Variants in PGAP6 observed in about 807,000 individuals in gnomAD.
The protein encoded by PGAP6 is post-GPI attachment to proteins 6.
A neutral mutation model predicts 68.4 loss-of-function variants in PGAP6; 62 were observed. The observed-to-expected ratio is 0.91, with a 90% CI of 0.74 to 1.12. The LOEUF is 1.12. Among genes scored for constraint, PGAP6 ranks in the 50% most tolerant of loss-of-function variants. The probability of loss-of-function intolerance (pLI) is 0.00; values close to 1 mark genes in which losing one functional copy is unlikely to be tolerated. For missense variants in PGAP6, 1,188 were observed against 1,068.5 expected (o/e 1.11, Z -1.56); for synonymous variants, 575 against 474.0 (o/e 1.21, Z -2.77).
rs765882245 is a variant in PGAP6 at position 374,141 on chromosome 16, G to A, written c.1766C>T (p.Ala589Val). The change falls in exon 11 of 13, where the codon GCC becomes GTC. Residue 589 changes from alanine (A) to valine (V), a missense_variant. Physicochemically the swap from Ala to Val is moderately conservative, Grantham distance 64. Transcript: ENST00000431232. Reference protein sequence around the residue: ...YTMFFSTFYHACDQPGEAVLC... With the variant: ...YTMFFSTFYHVCDQPGEAVLC... ...CACCGCCTCCCCGGGCTGGTCGCAG[G>A]CGTGGTAGAACTGTGGGGAGGCTCC... 1.2e-6 allele frequency: 2 copies of A among 1,610,942 alleles called. No homozygotes were observed. The highest frequency in any genetic ancestry group is 1.7e-5 in the Admixed American group (1 of 60,012).
rs2054399449 is a variant in PGAP6 at position 377,742 on chromosome 16, A to G, written c.228T>C (p.Ala76=). ...RLFRFRVPPD[A]VLLRWLLQVS... is the part of the protein sequence containing the mutation. ...CCTGCAGGAGCCAGCGTAGAAGCAC[A>G]GCATCTGGGGGCACGCGGAAGCGGA... Residue 76 remains alanine (A), a synonymous_variant, in exon 2 of 13, where the codon GCT becomes GCC. Coordinates refer to ENST00000431232, the MANE Select transcript of PGAP6 (RefSeq NM_021259.3). The G allele has an allele frequency of 4.4e-6, 7 of 1,597,324 alleles. No homozygotes were observed. In the African/African-American group the frequency reaches 5.4e-5, roughly 12 times the overall value.
chr16:376,423 G>A lies in PGAP6; in HGVS notation c.937C>T (p.Leu313Phe), dbSNP rs1471965796. The A allele has an allele frequency of 6.3e-7, 1 of 1,587,146 alleles. No homozygotes were observed. The highest frequency in any genetic ancestry group is 2.2e-5 in the East Asian group (1 of 44,530). Residue 313 changes from leucine to phenylalanine, a missense_variant, in exon 6 of 13, where the codon CTT (leucine) becomes TTT (phenylalanine). By Grantham distance (22) the Leu-to-Phe change is conservative. Coordinates refer to ENST00000431232, the MANE Select transcript of PGAP6 (RefSeq NM_021259.3). ...CTCTGGTTTTGGCTGCTCTGCAGAA[G>A]GGGCTGGATGGTCACGCTCCGTGGC... Reference protein sequence around the residue: ...CRPRSVTIQPLLQSSQNQSFN... With the variant: ...CRPRSVTIQPFLQSSQNQSFN...
At chr16:385,685 C>T (rs1230616325), upstream of PGAP6, among the ~76,000 whole-genome samples, 220 of 114,076 alleles carry the variant, frequency 1.9e-3, no homozygotes, top group Non-Finnish European at 3.0e-3. Flanking sequence ...AGTGCAGTGG[C>T]GCGATCCTGG....
At chr16:378,860 C>A (rs2054415376) in intron 1 of PGAP6, among the ~76,000 whole-genome samples, 1 of 152,240 alleles carries the variant, frequency 6.6e-6, no homozygotes, top group Non-Finnish European at 1.5e-5. Context: ...GCGGGCAAGG[C>A]TCCTAACTGT....
chr16:379,638 C>T (rs1167406966), intron 1 of PGAP6, among the ~76,000 whole-genome samples: 2 of 152,236 alleles, frequency 1.3e-5, no homozygotes, highest in Non-Finnish European at 2.9e-5. Flanking sequence ...AAGCCCTCAG[C>T]CCCTCTGGCC....
At position 381,896 on chromosome 16, in the gene PGAP6, T is replaced by TGCCGCCTCC; in HGVS notation, c.-84_-76dup. On this transcript the variant is annotated 5_prime_UTR_variant, in exon 1 of 13. Coordinates refer to ENST00000431232, the MANE Select transcript of PGAP6 (RefSeq NM_021259.3). ...CCCCCGCCGCCGCCCGGGCAGCCTCTGCCGCCTCCGCCTCTGCCGCCTCCG... is the reference window on the plus strand; with the variant it reads ...CCCCCGCCGCCGCCCGGGCAGCCTCTGCCGCCTCCGCCGCCTCCGCCTCTGCCGCCTCCG... 5.4e-6 allele frequency: 1 copy of TGCCGCCTCC among 184,638 alleles called. No individual in the cohort carries two copies. Among genetic ancestry groups the TGCCGCCTCC allele is most frequent in the Non-Finnish European group, 6.4e-6 (1 of 155,560 alleles). The allele number at this position is 184,638 out of a possible 1,614,324, so 11.4% of individuals were successfully genotyped here.
Position 372,419 on chromosome 16 carries a change from C to T in PGAP6, c.2020-136G>A, listed in dbSNP as rs1053508355. 8.4e-6 allele frequency: 9 copies of T among 1,068,968 alleles called. No homozygotes were observed. The African/African-American group carries it at 1.4e-4, about 17-fold the overall frequency. 66.2% of individuals were successfully genotyped at this position (1,068,968 alleles called of 1,614,324 possible). A position where few individuals can be genotyped will look rare whatever the true frequency, so the allele number is the denominator to read the frequency against. The stretch of plus-strand genomic sequence containing the variant: ...ACAAGGGTGGGCTGCTTCGAGGGGG[C>T]TCAAGGCCACTGGTCCTCAGGCCCA... On this transcript the variant is annotated intron_variant, in intron 12 of 12. Coordinates refer to ENST00000431232, the MANE Select transcript of PGAP6 (RefSeq NM_021259.3).
At chr16:380,326 G>A (rs1331953296) in intron 1 of PGAP6, among the ~76,000 whole-genome samples, 4 of 151,992 alleles carry the variant, frequency 2.6e-5, no homozygotes, top group Non-Finnish European at 5.9e-5. Flanking sequence ...TGGAACCGCA[G>A]GCTTACATTA....
upstream of PGAP6, chr16:383,386 A>G (rs927706342): frequency 2.0e-5 from 3 of 152,212 alleles, no homozygotes; most frequent in African/African-American, 7.2e-5. Context: ...AACAGCAGCA[A>G]TGACCTTCCC....
At chr16:381,195 C>T (rs1018588984) in intron 1 of PGAP6, among the ~76,000 whole-genome samples, 19 of 152,088 alleles carry the variant, frequency 1.2e-4, no homozygotes, top group Admixed American at 1.0e-3. Flanking sequence ...GAAGCCGGGC[C>T]GGCGGCAGGA....
At position 374,871 on chromosome 16, in the gene PGAP6, G is replaced by A. The variant is rs773148960; in HGVS notation, c.1461C>T (p.Val487=). ...CCAGGTACAAGGTGGTCTCCACGTGGACCACAGCCTGCTCACAGTCCCTTT... is the reference window on the plus strand; with the variant it reads ...CCAGGTACAAGGTGGTCTCCACGTGAACCACAGCCTGCTCACAGTCCCTTT... The part of the protein sequence containing the change: ...ENAEDCEQAV[V]HVETTLYLVP... The change falls in exon 9 of 13, where the codon GTC becomes GTT. Residue 487 remains valine (V), a synonymous_variant. Coordinates refer to ENST00000431232, the MANE Select transcript of PGAP6 (RefSeq NM_021259.3). 12 of 1,612,832 alleles carry A rather than the reference G, an allele frequency of 7.4e-6. No homozygotes were observed. The highest frequency in any genetic ancestry group is 1.6e-4 in the Middle Eastern group (1 of 6,078).
chr16:381,744 A>AAGCAGCAGC lies in PGAP6; in HGVS notation c.69_77dup (p.Leu24_Leu26dup), dbSNP rs746261103. On this transcript the variant is annotated inframe_insertion, in exon 1 of 13. Coordinates refer to ENST00000431232, the MANE Select transcript of PGAP6 (RefSeq NM_021259.3). Reference sequence around the variant, plus strand: ...CGGCGGAGGCAGGCGGGGGCCGGGCAAGCAGCAGCAGCAGCAGCGGCCCCG... The same window carrying AAGCAGCAGC: ...CGGCGGAGGCAGGCGGGGGCCGGGCAAGCAGCAGCAGCAGCAGCAGCAGCAGCGGCCCCG... The AAGCAGCAGC allele has an allele frequency of 1.1e-5, 13 of 1,210,818 alleles. No homozygotes were observed. The highest frequency in any genetic ancestry group is 7.0e-5 in the East Asian group (2 of 28,772). 75.0% of individuals were successfully genotyped at this position (1,210,818 alleles called of 1,614,324 possible). A position where few individuals can be genotyped will look rare whatever the true frequency, so the allele number is the denominator to read the frequency against.
At chr16:378,836 C>T (rs1037381218) in intron 1 of PGAP6, among the ~76,000 whole-genome samples, 1 of 152,228 alleles carries the variant, frequency 6.6e-6, no homozygotes, top group Non-Finnish European at 1.5e-5. Context: ...GGACAGCTGC[C>T]CTCTGCGTTC....
In PGAP6 at chr16:377,786, A is replaced by T; in HGVS notation, c.184T>A (p.Tyr62Asn). 1 of 1,579,310 alleles carries T rather than the reference A, an allele frequency of 6.3e-7. No homozygotes were observed. Among genetic ancestry groups the T allele is most frequent in the Non-Finnish European group, 8.6e-7 (1 of 1,163,178 alleles). Residue 62 changes from tyrosine to asparagine, a missense_variant, in exon 2 of 13, where the codon TAC becomes AAC. Transcript: ENST00000431232. ...APQRLSFYSW[Y>N]GSARLFRFRV... ...AAGCGGAAGAGCCTGGCACTGCCGTACCAGCTGTAGAAGGACAGCCTCTGC... is the reference window on the plus strand; with the variant it reads ...AAGCGGAAGAGCCTGGCACTGCCGTTCCAGCTGTAGAAGGACAGCCTCTGC...
At position 372,035 on chromosome 16, in the gene PGAP6, G is replaced by C; in HGVS notation, c.2268C>G (p.His756Gln). 3.1e-6 allele frequency: 5 copies of C among 1,612,766 alleles called. No homozygotes were observed. Among genetic ancestry groups the C allele is most frequent in the Non-Finnish European group, 4.2e-6 (5 of 1,179,946 alleles). The part of the protein sequence containing the change: ...PWACSQKFPC[H>Q]YQICKNDREE... ...CCCGATCGTTCTTGCAGATCTGATA[G>C]TGGCAGGGGAATTTCTGCGAGCAGG... Residue 756 changes from histidine to glutamine, a missense_variant, in exon 13 of 13, where the codon CAC becomes CAG. His to Gln is a conservative substitution (Grantham distance 24). Coordinates refer to ENST00000431232, the MANE Select transcript of PGAP6 (RefSeq NM_021259.3).
chr16:380,204 C>A (rs1199775311), intron 1 of PGAP6, among the ~76,000 whole-genome samples: 2 of 152,196 alleles, frequency 1.3e-5, no homozygotes, highest in Non-Finnish European at 2.9e-5. Context: ...ATTTCCTTTG[C>A]CAGTTTCCAA....
rs921139275 is a variant in PGAP6, at chr16:372,464, T to C, written c.2019+147A>G. ...GGCCCAGGCCTCAGGGACACAGCCA[T>C]GCTGGGCCTCTGTGGGTGCCATGGC... is the stretch of plus-strand genomic sequence containing the variant. On this transcript the variant is annotated intron_variant, in intron 12 of 12. Transcript: ENST00000431232. 29 of 959,936 alleles carry C rather than the reference T, an allele frequency of 3.0e-5. No homozygotes were observed. In the East Asian group the frequency reaches 4.1e-4, roughly 13 times the overall value. 59.5% of individuals were successfully genotyped at this position (959,936 alleles called of 1,614,324 possible). A position where few individuals can be genotyped will look rare whatever the true frequency, so the allele number is the denominator to read the frequency against.
Position 377,044 on chromosome 16 carries a change from AGCTGGGATG to A in PGAP6, c.619_627del (p.His207_Ser209del), listed in dbSNP as rs764939061. 9.9e-6 allele frequency: 16 copies of A among 1,612,828 alleles called. No homozygotes were observed. Among genetic ancestry groups the A allele is most frequent in the Non-Finnish European group, 1.7e-6 (2 of 1,179,882 alleles). On this transcript the variant is annotated inframe_deletion, in exon 4 of 13. Coordinates refer to ENST00000431232, the MANE Select transcript of PGAP6 (RefSeq NM_021259.3). ...CCCCAGGCCCCCGCTCACTTGAGGT[AGCTGGGATG>A]GGAGAGGAGGGTCTGAGGAAGGGGC...
Position 374,114 on chromosome 16 carries a change from A to G in PGAP6, c.1793T>C (p.Leu598Pro), listed in dbSNP as rs2054358128. ...CAGCGTGTCGTAGCTGAGGATGCACAGCACCGCCTCCCCGGGCTGGTCGCA... is the reference window on the plus strand; with the variant it reads ...CAGCGTGTCGTAGCTGAGGATGCACGGCACCGCCTCCCCGGGCTGGTCGCA... ...HACDQPGEAVLCILSYDTLQY... is the reference protein window; with the variant it reads ...HACDQPGEAVPCILSYDTLQY... Residue 598 changes from leucine to proline, a missense_variant, in exon 11 of 13, where the codon CTG becomes CCG. By Grantham distance (98) the Leu-to-Pro change is moderately conservative. Coordinates refer to ENST00000431232, the MANE Select transcript of PGAP6 (RefSeq NM_021259.3). The G allele has an allele frequency of 1.9e-6, 3 of 1,611,502 alleles. No individual in the cohort carries two copies. The highest frequency in any genetic ancestry group is 2.5e-6 in the Non-Finnish European group (3 of 1,179,954).
Sources: gnomAD v4.1 joint callset for allele counts (sites outside exome capture counted in the v4.1 genomes callset) on GRCh38, gnomAD v4.1.1 for gene constraint, MANE v1.5 for transcripts, NCBI Gene and HGNC (gene_info 2026-07-23, HGNC 2026-07-21) for gene names.